Variants in MINDY3 observed in about 807,000 individuals in gnomAD.
The protein encoded by MINDY3 is MINDY lysine 48 deubiquitinase 3.
Under a neutral mutation model 69.2 loss-of-function variants are expected in MINDY3, and 38 were observed. That is an observed-to-expected ratio of 0.55 (90% confidence interval 0.42 to 0.72). The LOEUF is 0.72. MINDY3 is among the 30% of genes least tolerant of loss of function. The pLI is 0.00. For synonymous variants in MINDY3, 192 were observed against 180.1 expected (o/e 1.07, Z -0.53); for missense variants, 522 against 519.0 (o/e 1.01, Z -0.06).
At chr10:15,851,078 T>C (rs1165981793) in intron 1 of MINDY3, among the ~76,000 whole-genome samples, 5 of 152,186 alleles carry the variant, frequency 3.3e-5, no homozygotes, top group Non-Finnish European at 7.3e-5. Context: ...TTCCAAAGAA[T>C]CAATCTGAAA....
chr10:15,841,823 G>C (rs1168913080), intron 3 of MINDY3, among the ~76,000 whole-genome samples: 1 of 151,604 alleles, frequency 6.6e-6, no homozygotes, highest in African/African-American at 2.4e-5. Context: ...CCACCAAGTA[G>C]AAAAAGAATA....
At chr10:15,834,520 G>A (rs1383212486) in intron 7 of MINDY3, 23 bp downstream of exon 7, 1 of 1,546,014 alleles carries the variant, frequency 6.5e-7, no homozygotes, top group Non-Finnish European at 8.9e-7. Context: ...CACATGAGGA[G>A]ACAAGAGATT....
chr10:15,832,654 A>G (rs901423351), intron 8 of MINDY3, among the ~76,000 whole-genome samples: 1 of 152,212 alleles, frequency 6.6e-6, no homozygotes, highest in African/African-American at 2.4e-5. Flanking sequence ...ATAATTTTGC[A>G]TATGAATTAA....
intron 8 of MINDY3, among the ~76,000 whole-genome samples, chr10:15,826,230 G>A (rs969709820): frequency 6.6e-6 from 1 of 152,156 alleles, no homozygotes; most frequent in Non-Finnish European, 1.5e-5. Flanking sequence ...CCATCGAATG[G>A]TTTTAAGGGA....
At chr10:15,794,112 C>T (rs544809489) in intron 11 of MINDY3, among the ~76,000 whole-genome samples, 9 of 152,008 alleles carry the variant, frequency 5.9e-5, no homozygotes, top group Non-Finnish European at 1.3e-4. Flanking sequence ...TAAAAATACT[C>T]CTGGGTACCT....
At chr10:15,794,637 A>G (rs1469974760) in intron 11 of MINDY3, among the ~76,000 whole-genome samples, 1 of 152,074 alleles carries the variant, frequency 6.6e-6, no homozygotes, top group East Asian at 1.9e-4. Context: ...CTCACAACTC[A>G]ATTCTGAAAA....
intron 7 of MINDY3, among the ~76,000 whole-genome samples, chr10:15,834,021 A>G (rs1259866059): frequency 2.6e-5 from 4 of 152,024 alleles, no homozygotes; most frequent in Admixed American, 2.0e-4. Flanking sequence ...AAATGAATAT[A>G]TAATTATTAA....
chr10:15,790,857 C>A (rs181719743), intron 11 of MINDY3, among the ~76,000 whole-genome samples: 1 of 152,200 alleles, frequency 6.6e-6, no homozygotes, highest in African/African-American at 2.4e-5. Flanking sequence ...AGTCTGTACA[C>A]CGTTTTTCAG....
intron 9 of MINDY3, among the ~76,000 whole-genome samples, chr10:15,819,379 T>A (rs1249026901): frequency 6.6e-6 from 1 of 152,216 alleles, no homozygotes; most frequent in African/African-American, 2.4e-5. Flanking sequence ...TGACTCACTT[T>A]TGAGGCCCTG....
At chr10:15,857,620 G>A (rs1034509251) in intron 1 of MINDY3, among the ~76,000 whole-genome samples, 2 of 151,968 alleles carry the variant, frequency 1.3e-5, no homozygotes, top group Non-Finnish European at 2.9e-5. Context: ...ATAAAACCCT[G>A]CCAACTTTAA....
chr10:15,850,266 G>A (rs1834185896), intron 1 of MINDY3, among the ~76,000 whole-genome samples: 1 of 152,124 alleles, frequency 6.6e-6, no homozygotes, highest in African/African-American at 2.4e-5. Flanking sequence ...TGCATAAATT[G>A]CTTGTAGAGC....
Position 15,778,989 on chromosome 10 carries a change from A to G in MINDY3, c.*3T>C, listed in dbSNP as rs1836304447. The G allele has an allele frequency of 6.2e-7, 1 of 1,611,488 alleles. No homozygotes were observed. The highest frequency in any genetic ancestry group is 1.7e-5 in the Admixed American group (1 of 59,728). ...AGATCTTCCTTATAAATACTTAGACAAATTAATTTAGTGAAGGAGAGCGAT... is the reference window on the plus strand; with the variant it reads ...AGATCTTCCTTATAAATACTTAGACGAATTAATTTAGTGAAGGAGAGCGAT... On this transcript the variant is annotated 3_prime_UTR_variant, in exon 15 of 15. Coordinates refer to ENST00000277632, the MANE Select transcript of MINDY3 (RefSeq NM_024948.4).
At chr10:15,846,681 T>C (rs1383176413) in intron 2 of MINDY3, among the ~76,000 whole-genome samples, 2 of 152,144 alleles carry the variant, frequency 1.3e-5, no homozygotes, top group East Asian at 3.8e-4. Flanking sequence ...AGAGCATAAG[T>C]TCTGAGAAAC....
intron 2 of MINDY3, among the ~76,000 whole-genome samples, chr10:15,846,829 T>C (rs1741535595): frequency 6.6e-6 from 1 of 151,694 alleles, no homozygotes. Flanking sequence ...GTTCACGCCA[T>C]TCTCCTGTCT....
chr10:15,782,383 C>A (rs1836613191), intron 13 of MINDY3, 157 bp from the exon 14 acceptor site: 2 of 557,788 alleles, frequency 3.6e-6, no homozygotes, highest in Non-Finnish European at 6.1e-6. Context: ...GTTGTAACTA[C>A]CAGAAAGCCC....
chr10:15,813,893 A>G (rs1839177382), intron 10 of MINDY3, among the ~76,000 whole-genome samples: 1 of 151,948 alleles, frequency 6.6e-6, no homozygotes, highest in African/African-American at 2.4e-5. Context: ...AAAGACATAA[A>G]TATTTACAAG....
intron 4 of MINDY3, among the ~76,000 whole-genome samples, chr10:15,841,171 T>C (rs569314951): frequency 1.6e-4 from 24 of 151,506 alleles, no homozygotes; most frequent in Middle Eastern, 3.4e-3. Flanking sequence ...AAAGAGATTA[T>C]TATCAAGCAG....
In MINDY3 at chr10:15,858,428, A is replaced by G. The variant is rs189769649; in HGVS notation, c.94+1778T>C. On this transcript the variant is annotated intron_variant, in intron 1 of 14. Transcript: ENST00000277632. ...TGTAATTGTCAGGAAAAAGCCAAAGAGTGAATTTGGCATAGTCTACAATTA... is the reference window on the plus strand; with the variant it reads ...TGTAATTGTCAGGAAAAAGCCAAAGGGTGAATTTGGCATAGTCTACAATTA... 2.0e-5 allele frequency among the ~76,000 whole-genome samples: 3 copies of G among 152,362 alleles called. 1 individual carries two copies. The highest frequency in any genetic ancestry group is 3.8e-4 in the East Asian group (2 of 5,196).
At chr10:15,844,286 C>T (rs934068083) in intron 2 of MINDY3, among the ~76,000 whole-genome samples, 1 of 152,088 alleles carries the variant, frequency 6.6e-6, no homozygotes, top group Admixed American at 6.6e-5. Flanking sequence ...GATTTTTCCG[C>T]AAAAGGGCAA....
Sources: gnomAD v4.1 joint callset for allele counts (sites outside exome capture counted in the v4.1 genomes callset) on GRCh38, gnomAD v4.1.1 for gene constraint, MANE v1.5 for transcripts, NCBI Gene and HGNC (gene_info 2026-07-23, HGNC 2026-07-21) for gene names.